CSMD1: variants seen among roughly 807,000 people sequenced by gnomAD.
CSMD1 encodes the protein CUB and Sushi multiple domains 1, also known as CUB and sushi domain-containing protein 1.
Under a neutral mutation model 417.5 loss-of-function variants are expected in CSMD1, and 213 were observed. The observed-to-expected ratio is 0.51, with a 90% confidence interval of 0.46 to 0.57. CSMD1 has a LOEUF of 0.57. CSMD1 is among the 20% of genes least tolerant of loss of function. The pLI is 0.00. For synonymous variants in CSMD1, 2,862 were observed against 1,736.8 expected, an observed-to-expected ratio of 1.65 and a Z score of -16.11; for missense variants, 6,923 against 4,529.7, an observed-to-expected ratio of 1.53 and a Z score of -15.17.
chr8:3,356,364 G>A (rs563997043), intron 21 of CSMD1, among the ~76,000 whole-genome samples: 1 of 152,316 alleles, frequency 6.6e-6, no homozygotes, highest in East Asian at 1.9e-4. Flanking sequence ...AGCAGTCTGA[G>A]GAGGGAGACA....
chr8:3,657,868 CA>C (rs1402191715), intron 7 of CSMD1, among the ~76,000 whole-genome samples: 1 of 152,110 alleles, frequency 6.6e-6, no homozygotes, highest in Non-Finnish European at 1.5e-5. Flanking sequence ...AAACTATAAA[CA>C]AAAATCCTCT....
At chr8:4,473,727 A>G (rs903142967) in intron 2 of CSMD1, among the ~76,000 whole-genome samples, 9 of 152,222 alleles carry the variant, frequency 5.9e-5, no homozygotes, top group Non-Finnish European at 1.3e-4. Context: ...TGTAGCATGT[A>G]GTAACACATA....
At chr8:3,020,313 A>G (rs953652198) in intron 51 of CSMD1, among the ~76,000 whole-genome samples, 11 of 152,216 alleles carry the variant, frequency 7.2e-5, no homozygotes, top group Middle Eastern at 3.2e-3. Flanking sequence ...AAAAACCTTT[A>G]GAGATAATTC....
Position 3,648,277 on chromosome 8 carries a change from G to A in CSMD1, c.1010-31480C>T, listed in dbSNP as rs188787819. Reference sequence around the variant, plus strand: ...AAATTATTTTCCTCTTTTCTCTAGAGTAATATATTTCAAATCTGCCCTACA... The same window carrying A: ...AAATTATTTTCCTCTTTTCTCTAGAATAATATATTTCAAATCTGCCCTACA... On this transcript the variant is annotated intron_variant, in intron 7 of 69. Coordinates refer to ENST00000635120, the MANE Select transcript of CSMD1 (RefSeq NM_033225.6). Among the ~76,000 whole-genome samples the A allele has an allele frequency of 1.1e-4, 17 of 152,250 alleles. No homozygotes were observed. The East Asian group carries it at 3.3e-3, about 29-fold the overall frequency.
intron 21 of CSMD1, among the ~76,000 whole-genome samples, chr8:3,352,092 C>T (rs1808461649): frequency 6.6e-6 from 1 of 152,130 alleles, no homozygotes; most frequent in Admixed American, 6.6e-5. Flanking sequence ...CCTAGTGCTT[C>T]ATGAGTCCAC....
chr8:4,392,149 G>A (rs574976342), intron 3 of CSMD1, among the ~76,000 whole-genome samples: 1 of 152,188 alleles, frequency 6.6e-6, no homozygotes, highest in Non-Finnish European at 1.5e-5. Context: ...GCTGACCACT[G>A]AAACTGTCAT....
chr8:3,920,243 C>T (rs945813162), intron 5 of CSMD1, among the ~76,000 whole-genome samples: 10 of 151,916 alleles, frequency 6.6e-5, no homozygotes, highest in Non-Finnish European at 7.4e-5. Context: ...CCATGTTGCC[C>T]GGGATGCTCT....
chr8:3,938,609 C>T (rs1188162919), intron 5 of CSMD1, among the ~76,000 whole-genome samples: 2 of 152,070 alleles, frequency 1.3e-5, no homozygotes, highest in Non-Finnish European at 2.9e-5. Flanking sequence ...CTGTAGACCC[C>T]GAATAAGGGC....
chr8:3,437,906 C>A (rs1212589551), intron 12 of CSMD1, among the ~76,000 whole-genome samples: 3 of 152,066 alleles, frequency 2.0e-5, no homozygotes, highest in Admixed American at 6.6e-5. Flanking sequence ...TGTCACCAGG[C>A]CTGGCTAATT....
intron 49 of CSMD1, among the ~76,000 whole-genome samples, chr8:3,073,803 A>T (rs912200565): frequency 2.6e-5 from 4 of 152,218 alleles, no homozygotes; most frequent in Non-Finnish European, 5.9e-5. Flanking sequence ...CCAAAAAAAA[A>T]AAGTATTCTC....
intron 3 of CSMD1, among the ~76,000 whole-genome samples, chr8:4,244,682 T>A (rs1470863991): frequency 6.6e-6 from 1 of 152,154 alleles, no homozygotes; most frequent in Non-Finnish European, 1.5e-5. Context: ...ATTGTGTTAT[T>A]TTCACACATC....
rs748653004 is a variant in CSMD1 at position 4,032,084 on chromosome 8, G to C, written c.431C>G (p.Thr144Ser). The change falls in exon 4 of 70, where the codon ACT becomes AGT. Residue 144 changes from threonine (T) to serine (S), a missense_variant. Physicochemically the swap from Thr to Ser is moderately conservative, Grantham distance 58. Coordinates refer to ENST00000635120, the MANE Select transcript of CSMD1 (RefSeq NM_033225.6). ...CAGGATTTCTCCAGGATTTCCACAA[G>C]TGTGGCTAGGTAAAACTATTGGAAA... ...KALYEVLPSH[T>S]CGNPGEILKG... 16 of 1,611,124 alleles carry C rather than the reference G, an allele frequency of 9.9e-6. No individual in the cohort carries two copies. Among genetic ancestry groups the C allele is most frequent in the Admixed American group, 3.3e-5 (2 of 59,828 alleles).
intron 33 of CSMD1, among the ~76,000 whole-genome samples, chr8:3,197,528 C>T (rs546681391): frequency 4.1e-5 from 6 of 146,858 alleles, no homozygotes; most frequent in African/African-American, 1.3e-4. Flanking sequence ...TGCAGTGGCG[C>T]GATCTCCACT....
At chr8:4,426,045 AT>A (rs1797533412) in intron 2 of CSMD1, among the ~76,000 whole-genome samples, 1 of 151,878 alleles carries the variant, frequency 6.6e-6, no homozygotes, top group South Asian at 2.1e-4. Context: ...GGATTATGAA[AT>A]TTTACTGAAG....
rs181438684 is a variant in CSMD1, at chr8:4,256,986, G to A, written c.415+162967C>T. Among the ~76,000 whole-genome samples the A allele has an allele frequency of 1.9e-3, 291 of 152,274 alleles. 2 individuals are homozygous for A. Among genetic ancestry groups the A allele is most frequent in the African/African-American group, 6.8e-3 (283 of 41,542 alleles). On this transcript the variant is annotated intron_variant, in intron 3 of 69. Coordinates refer to ENST00000635120, the MANE Select transcript of CSMD1 (RefSeq NM_033225.6). The stretch of plus-strand genomic sequence containing the variant: ...CAGGCTGGAGGTATTCAATCTGGAA[G>A]AAGTATGTAACTTCCAAATGATGCA...
At chr8:4,066,601 G>A (rs928058069) in intron 3 of CSMD1, among the ~76,000 whole-genome samples, 5 of 152,298 alleles carry the variant, frequency 3.3e-5, no homozygotes, top group Non-Finnish European at 5.9e-5. Flanking sequence ...ATTATACCCA[G>A]AAGGGAAATG....
intron 17 of CSMD1, among the ~76,000 whole-genome samples, chr8:3,394,585 T>C (rs571041186): frequency 6.6e-6 from 1 of 152,000 alleles, no homozygotes; most frequent in East Asian, 1.9e-4. Context: ...TGAAGTTTCA[T>C]GCACTATATA....
chr8:3,360,524 G>T (rs1222401621), intron 20 of CSMD1, among the ~76,000 whole-genome samples: 2 of 152,270 alleles, frequency 1.3e-5, no homozygotes, highest in Middle Eastern at 6.8e-3. Flanking sequence ...GCCCAGTTTT[G>T]TCAGATAGTA....
chr8:3,960,548 G>A (rs561509031), intron 5 of CSMD1, among the ~76,000 whole-genome samples: 1 of 152,040 alleles, frequency 6.6e-6, no homozygotes, highest in African/African-American at 2.4e-5. Flanking sequence ...AATTAGGAAA[G>A]CATTTTTAGT....
Sources: allele counts gnomAD v4.1 joint callset (sites outside exome capture counted in the v4.1 genomes callset), GRCh38; gene constraint gnomAD v4.1.1; transcripts MANE v1.5; gene names NCBI Gene and HGNC (gene_info 2026-07-23, HGNC 2026-07-21).